Variants in MYO19 observed in about 807,000 individuals in gnomAD.
MYO19 encodes the protein unconventional myosin-XIX.
A neutral mutation model predicts 129.2 loss-of-function variants in MYO19; 132 were observed. That is an observed-to-expected ratio of 1.02 (90% CI 0.89 to 1.18). MYO19 has a LOEUF of 1.18. Ranked by LOEUF, MYO19 falls within the 50% of genes most tolerant of loss-of-function variation. MYO19 has a pLI of 0.00. For missense variants in MYO19, 1,210 were observed against 1,216.7 expected (o/e 0.99, Z 0.08); for synonymous variants, 531 against 477.2 (o/e 1.11, Z -1.47).
intron 13 of MYO19, among the ~76,000 whole-genome samples, chr17:36,510,483 C>T (rs937202239): frequency 4.6e-5 from 7 of 152,226 alleles, no homozygotes; most frequent in Non-Finnish European, 1.0e-4. Context: ...CTAAAGCAGC[C>T]TCCTGAACTT....
chr17:36,503,940 G>C lies in MYO19; in HGVS notation c.1976+10C>G. The C allele has an allele frequency of 2.5e-6, 4 of 1,584,244 alleles. No individual in the cohort carries two copies. Among genetic ancestry groups the C allele is most frequent in the Non-Finnish European group, 3.4e-6 (4 of 1,166,496 alleles). On this transcript the variant is annotated intron_variant, in intron 20 of 25. Transcript: ENST00000614623. ...TGGCCCTGCACTGTGCCGTGATCGA[G>C]CCCACTCACCGGATGGGGAAGCCAG...
upstream of MYO19, among the ~76,000 whole-genome samples, chr17:36,539,668 A>G (rs1044194393): frequency 2.0e-5 from 3 of 152,292 alleles, no homozygotes; most frequent in South Asian, 2.1e-4. Flanking sequence ...TAATTACGAG[A>G]CAAAGTTTTG....
intron 6 of MYO19, among the ~76,000 whole-genome samples, chr17:36,523,333 G>A (rs777766843): frequency 2.0e-5 from 3 of 152,172 alleles, no homozygotes; most frequent in Non-Finnish European, 4.4e-5. Flanking sequence ...CCCTCAGCAG[G>A]CACCAATCCA....
chr17:36,521,764 G>A (rs1341681651), intron 6 of MYO19, among the ~76,000 whole-genome samples: 1 of 152,116 alleles, frequency 6.6e-6, no homozygotes, highest in Non-Finnish European at 1.5e-5. Context: ...CAGGCACAGT[G>A]GCTCATACCT....
upstream of MYO19, chr17:36,537,319 C>G (rs764730450): frequency 1.2e-6 from 2 of 1,613,804 alleles, no homozygotes; most frequent in Non-Finnish European, 1.7e-6. Context: ...GCCACTTTGA[C>G]CATTTGGGCT....
chr17:36,519,513 G>T (rs1356564537), intron 6 of MYO19, among the ~76,000 whole-genome samples: 1 of 151,036 alleles, frequency 6.6e-6, no homozygotes, highest in African/African-American at 2.4e-5. Flanking sequence ...TTTTTAAATT[G>T]TCCCATGTGA....
intron 5 of MYO19, among the ~76,000 whole-genome samples, chr17:36,526,851 C>T (rs183497929): frequency 9.9e-5 from 15 of 152,202 alleles, no homozygotes; most frequent in African/African-American, 3.6e-4. Flanking sequence ...CGCACTACTG[C>T]GCTCCAGCCT....
At chr17:36,511,717 G>T (rs761412280) in intron 11 of MYO19, among the ~76,000 whole-genome samples, 2 of 152,212 alleles carry the variant, frequency 1.3e-5, no homozygotes, top group Non-Finnish European at 2.9e-5. Context: ...TGAGGGGAAA[G>T]GTGGGATGAG....
chr17:36,541,959 G>A (rs1314745655), intron 2 of MYO19: 1 of 152,180 alleles, frequency 6.6e-6, no homozygotes, highest in Non-Finnish European at 1.5e-5. Flanking sequence ...AATTTTCTAA[G>A]CGTTTTCCTT....
At chr17:36,505,455 CAT>C in intron 18 of MYO19, 51 bp from the exon 19 acceptor site, 1 of 1,402,622 alleles carries the variant, frequency 7.1e-7, no homozygotes, top group East Asian at 2.3e-5. Context: ...TGCCCAGGGC[CAT>C]CAACTGGGCT....
rs2070911858 is a variant in MYO19, at chr17:36,495,750, T to C, written c.*501A>G. 1 of 1,247,470 alleles carries C rather than the reference T, an allele frequency of 8.0e-7. No individual in the cohort carries two copies. The allele number at this position is 1,247,470 out of a possible 1,614,324, so 77.3% of individuals were successfully genotyped here. A position where few individuals can be genotyped will look rare whatever the true frequency, so the allele number is the denominator to read the frequency against. On this transcript the variant is annotated 3_prime_UTR_variant, in exon 26 of 26. Transcript: ENST00000614623. ...TGTTAATAAAATCAAAACGTGATTCTACTGTACATTGCATTATTCATAATT... is the reference window on the plus strand; with the variant it reads ...TGTTAATAAAATCAAAACGTGATTCCACTGTACATTGCATTATTCATAATT...
chr17:36,512,285 A>G (rs1030172501), intron 11 of MYO19, among the ~76,000 whole-genome samples: 1 of 149,832 alleles, frequency 6.7e-6, no homozygotes, highest in Non-Finnish European at 1.5e-5. Flanking sequence ...AGCTACTCGG[A>G]GGCTGAGGTA....
At chr17:36,525,013 T>C (rs947157962) in intron 6 of MYO19, among the ~76,000 whole-genome samples, 7 of 152,196 alleles carry the variant, frequency 4.6e-5, no homozygotes, top group Non-Finnish European at 1.0e-4. Context: ...CCCAGGGTGA[T>C]GGCAGAGCTT....
intron 18 of MYO19, 74 bp from the exon 19 acceptor site, chr17:36,505,478 A>C: frequency 9.3e-7 from 1 of 1,080,262 alleles, no homozygotes; most frequent in Non-Finnish European, 1.4e-6. Context: ...CTGGTTAGTA[A>C]CTACATCAAA....
In MYO19 at chr17:36,500,946, T is replaced by TC. The variant is rs778532711; in HGVS notation, c.2260dup (p.Glu754GlyfsTer77). 1 of 1,611,486 alleles carries TC rather than the reference T, an allele frequency of 6.2e-7. No homozygotes were observed. Among genetic ancestry groups the TC allele is most frequent in the Non-Finnish European group, 8.5e-7 (1 of 1,178,276 alleles). ...CTCCAGCACCCGGGCACGCCCACAT[T>TC]CCAGAAGCTCCAGCTGGGAGAAAAG... On this transcript the variant is annotated frameshift_variant, in exon 23 of 26. Transcript: ENST00000614623. LOFTEE classifies it high-confidence loss of function.
At chr17:36,536,524 CTTTTTTT>C (rs10715370), upstream of MYO19, among the ~76,000 whole-genome samples, 5 of 125,532 alleles carry the variant, frequency 4.0e-5, no homozygotes, top group Non-Finnish European at 4.9e-5. Flanking sequence ...TTTTCTTTTC[CTTTTTTT>C]TTTTTTTTTT....
At chr17:36,519,682 C>T (rs1393428991) in intron 6 of MYO19, among the ~76,000 whole-genome samples, 6 of 151,404 alleles carry the variant, frequency 4.0e-5, no homozygotes, top group Non-Finnish European at 2.9e-5. Flanking sequence ...CTGAAACTTA[C>T]CCCTTTGTGT....
chr17:36,540,344 C>A (rs2074190553), intron 2 of MYO19, among the ~76,000 whole-genome samples: 2 of 151,844 alleles, frequency 1.3e-5, no homozygotes, highest in South Asian at 4.2e-4. Context: ...GTGATCCTGG[C>A]CTATAATGAC....
In MYO19 at chr17:36,499,108, G is replaced by A; in HGVS notation, c.2430C>T (p.Ala810=). 6.2e-7 allele frequency: 1 copy of A among 1,610,876 alleles called. No homozygotes were observed. The highest frequency in any genetic ancestry group is 8.5e-7 in the Non-Finnish European group (1 of 1,178,532). ...TCTGCCATGCACGCTTGATGACTGT[G>A]GCAGCTGCATGCAGCCTCTGGATGT... is the stretch of plus-strand genomic sequence containing the variant. ...RKHIQRLHAA[A]TVIKRAWQKW... The change falls in exon 24 of 26, where the codon GCC becomes GCT. Residue 810 remains alanine, a synonymous_variant. Coordinates refer to ENST00000614623, the MANE Select transcript of MYO19 (RefSeq NM_001163735.2).
Sources: gnomAD v4.1 joint callset for allele counts (sites outside exome capture counted in the v4.1 genomes callset) on GRCh38, gnomAD v4.1.1 for gene constraint, MANE v1.5 for transcripts, NCBI Gene and HGNC (gene_info 2026-07-23, HGNC 2026-07-21) for gene names.